The following PRKAG2 variants were observed in gnomAD, a reference collection of about 807,000 sequenced individuals.
The protein encoded by PRKAG2 is protein kinase AMP-activated non-catalytic subunit gamma 2.
Under a neutral mutation model 69.6 loss-of-function variants are expected in PRKAG2, and 26 were observed. The observed-to-expected ratio is 0.37, with a 90% confidence interval of 0.27 to 0.52. The LOEUF (loss-of-function observed/expected upper bound fraction) is 0.52, where lower values mean the gene tolerates loss of function less well. Among genes scored for constraint, PRKAG2 ranks in the 20% least tolerant of loss-of-function variants. The pLI, the probability that PRKAG2 is intolerant of heterozygous loss-of-function variation, is 0.90. For missense variants in PRKAG2, 557 were observed against 740.0 expected (o/e 0.75, Z 2.87); for synonymous variants, 293 against 285.0 (o/e 1.03, Z -0.28).
intron 1 of PRKAG2, among the ~76,000 whole-genome samples, chr7:151,833,117 T>C (rs2079074980): frequency 6.6e-6 from 1 of 152,228 alleles, no homozygotes; most frequent in African/African-American, 2.4e-5. Flanking sequence ...AATAAAAAGC[T>C]AATTTCATTC....
At position 151,632,476 on chromosome 7, in the gene PRKAG2, C is replaced by CG; in HGVS notation, c.685-339dup. ...AGGGCGGCAGCGCCTGGGCCCGGGGCGCCCCCCTCCGGCCGTGGCCCGCGT... is the reference window on the plus strand; with the variant it reads ...AGGGCGGCAGCGCCTGGGCCCGGGGCGGCCCCCCTCCGGCCGTGGCCCGCGT... On this transcript the variant is annotated intron_variant, in intron 4 of 15. Coordinates refer to ENST00000287878, the MANE Select transcript of PRKAG2 (RefSeq NM_016203.4). This position sits in a 1 kb window ranked among gnomAD's most constrained non-coding sequence, Gnocchi z 4.2. The CG allele has an allele frequency of 1.3e-5, 10 of 762,640 alleles. No homozygotes were observed. The highest frequency in any genetic ancestry group is 1.6e-5 in the Non-Finnish European group (10 of 627,148). 47.2% of individuals were successfully genotyped at this position (762,640 alleles called of 1,614,324 possible).
intron 6 of PRKAG2, among the ~76,000 whole-genome samples, chr7:151,582,942 C>T (rs1810832803): frequency 6.6e-6 from 1 of 152,170 alleles, no homozygotes; most frequent in Admixed American, 6.5e-5. Flanking sequence ...CAGTATGGTG[C>T]TCAGCACTAA....
At chr7:151,872,890 A>C (rs1490602200) in intron 1 of PRKAG2, among the ~76,000 whole-genome samples, 1 of 152,224 alleles carries the variant, frequency 6.6e-6, no homozygotes, top group East Asian at 1.9e-4. Context: ...CGCCTTCAGG[A>C]GGGGGTCCTC....
chr7:151,723,199 T>C (rs1396758702), intron 3 of PRKAG2, among the ~76,000 whole-genome samples: 1 of 152,148 alleles, frequency 6.6e-6, no homozygotes, highest in African/African-American at 2.4e-5. Flanking sequence ...CCAGTTGCCC[T>C]GGTAAAAGCC....
At chr7:151,737,282 G>T (rs910560679) in intron 3 of PRKAG2, among the ~76,000 whole-genome samples, 2 of 151,344 alleles carry the variant, frequency 1.3e-5, no homozygotes, top group Non-Finnish European at 2.9e-5. Context: ...GAGGTGGGAG[G>T]ATGGCTTGAG....
rs1215015773 is a variant in PRKAG2 at position 151,777,216 on chromosome 7, A to G, written c.466+3936T>C. Among the ~76,000 whole-genome samples the G allele has an allele frequency of 6.6e-6, 1 of 152,192 alleles. No homozygotes were observed. The highest frequency in any genetic ancestry group is 1.5e-5 in the Non-Finnish European group (1 of 68,026). On this transcript the variant is annotated intron_variant, in intron 3 of 15. Coordinates refer to ENST00000287878, the MANE Select transcript of PRKAG2 (RefSeq NM_016203.4). The surrounding 1 kb of genome is among the most constrained non-coding windows in gnomAD (Gnocchi z 4.3). ...CCGAGGTCTAGCTCTTCACTGCGGC[A>G]GCACCCCATGTGGACACCAGCAGAG... is the stretch of plus-strand genomic sequence containing the variant.
intron 4 of PRKAG2, among the ~76,000 whole-genome samples, chr7:151,661,060 A>G (rs1460947399): frequency 1.3e-5 from 2 of 152,234 alleles, no homozygotes; most frequent in Non-Finnish European, 1.5e-5. Context: ...ACTTCTCCAG[A>G]TGTATGTGTT....
At chr7:151,676,573 C>A (rs1832981020) in intron 3 of PRKAG2, among the ~76,000 whole-genome samples, 1 of 152,170 alleles carries the variant, frequency 6.6e-6, no homozygotes, top group African/African-American at 2.4e-5. Flanking sequence ...AGAAACAACT[C>A]TATTTCTTCC....
intron 1 of PRKAG2, among the ~76,000 whole-genome samples, chr7:151,830,473 G>A (rs1009356669): frequency 2.6e-5 from 4 of 151,976 alleles, no homozygotes; most frequent in African/African-American, 2.4e-5. Flanking sequence ...CCTGGCATCC[G>A]TCAGCATCTC....
intron 3 of PRKAG2, among the ~76,000 whole-genome samples, chr7:151,686,084 CCA>C (rs914544767): frequency 6.6e-6 from 1 of 152,080 alleles, no homozygotes; most frequent in Non-Finnish European, 1.5e-5. Context: ...AGCATCTGAG[CCA>C]CAGAGACAGT....
At chr7:151,591,889 T>C (rs947811768) in intron 6 of PRKAG2, among the ~76,000 whole-genome samples, 1 of 152,020 alleles carries the variant, frequency 6.6e-6, no homozygotes, top group African/African-American at 2.4e-5. Context: ...TGGGAAACAG[T>C]TCCTGGCCGA....
intron 3 of PRKAG2, among the ~76,000 whole-genome samples, chr7:151,713,537 G>A (rs778717348): frequency 2.6e-5 from 4 of 151,504 alleles, no homozygotes; most frequent in East Asian, 1.9e-4. Context: ...TTTCTAGCAT[G>A]CCATTTCAAC....
rs2078951748 is a variant in PRKAG2, at chr7:151,828,252, C to G, written c.115-41711G>C. 6.6e-6 allele frequency among the ~76,000 whole-genome samples: 1 copy of G among 152,212 alleles called. No individual in the cohort carries two copies. The highest frequency in any genetic ancestry group is 2.4e-5 in the African/African-American group (1 of 41,460). ...GAGCCTGGAGATAGGTCCCTGGTCA[C>G]AGTGGCATTCTGGGGGTTTTCAGAG... On this transcript the variant is annotated intron_variant, in intron 1 of 15. Transcript: ENST00000287878. This position sits in a 1 kb window ranked among gnomAD's most constrained non-coding sequence, Gnocchi z 4.6.
intron 9 of PRKAG2, among the ~76,000 whole-genome samples, chr7:151,570,715 C>T (rs909121939): frequency 6.6e-6 from 1 of 152,160 alleles, no homozygotes; most frequent in African/African-American, 2.4e-5. Flanking sequence ...ATCTTTCCAG[C>T]ACATAAAAAC....
intron 5 of PRKAG2, among the ~76,000 whole-genome samples, chr7:151,619,214 ATGATT>A (rs1820891456): frequency 6.6e-6 from 1 of 152,222 alleles, no homozygotes; most frequent in Non-Finnish European, 1.5e-5. Flanking sequence ...ACCACAGCCA[ATGATT>A]CCTTTCTCAG....
At chr7:151,775,153 G>C (rs964992886) in intron 3 of PRKAG2, among the ~76,000 whole-genome samples, 1 of 152,260 alleles carries the variant, frequency 6.6e-6, no homozygotes, top group Non-Finnish European at 1.5e-5. Context: ...GCTGGCCAAG[G>C]AGGGTGGGAT....
At chr7:151,696,728 G>T (rs572420731) in intron 3 of PRKAG2, among the ~76,000 whole-genome samples, 30 of 152,330 alleles carry the variant, frequency 2.0e-4, no homozygotes, top group Non-Finnish European at 3.7e-4. Flanking sequence ...GGCAGGGTCA[G>T]GCCAAACCTC....
intron 4 of PRKAG2, among the ~76,000 whole-genome samples, chr7:151,636,044 G>A (rs1243807392): frequency 2.7e-5 from 4 of 150,880 alleles, no homozygotes; most frequent in African/African-American, 9.7e-5. Context: ...GTAGAGACTG[G>A]GTTTCACCGT....
At chr7:151,681,633 C>T (rs963606599) in intron 3 of PRKAG2, among the ~76,000 whole-genome samples, 1 of 151,868 alleles carries the variant, frequency 6.6e-6, no homozygotes, top group Non-Finnish European at 1.5e-5. Context: ...AGGGCTTACA[C>T]ACTCTGGCCC....
Sources: allele counts gnomAD v4.1 joint callset (sites outside exome capture counted in the v4.1 genomes callset), GRCh38; gene constraint gnomAD v4.1.1; non-coding constraint Gnocchi (gnomAD v3.1); transcripts MANE v1.5; gene names NCBI Gene and HGNC (gene_info 2026-07-23, HGNC 2026-07-21).